SYNE1: variants seen among roughly 807,000 people sequenced by gnomAD.
The protein encoded by SYNE1 is nesprin-1.
SYNE1 carries 616 observed loss-of-function variants against 1,111.0 expected under a neutral mutation model. That is an observed-to-expected ratio of 0.55 (90% CI 0.52 to 0.59). The LOEUF (loss-of-function observed/expected upper bound fraction) is 0.59. Ranked by LOEUF, SYNE1 falls within the 20% of genes least tolerant of loss-of-function variation. The pLI is 0.00. For synonymous variants in SYNE1, 3,855 were observed against 3,825.8 expected (o/e 1.01, Z -0.28); for missense variants, 10,006 against 10,417.0 (o/e 0.96, Z 1.72).
chr6:152,371,905 A>AGGAC (rs1563461784), intron 59 of SYNE1, among the ~76,000 whole-genome samples: 731 of 52,570 alleles, frequency 0.014, 67 homozygotes, highest in African/African-American at 0.039. Flanking sequence ...AAGGAAAGGA[A>AGGAC]AGGAAAGGAA....
chr6:152,466,038 A>G lies in SYNE1; in HGVS notation c.1673T>C (p.Val558Ala). ...TGTCTGTTTCAAGATCTGGTATGTC[A>G]CCTCATATTGTTCAAAGAACTTGCT... ...ENSKFFEQYE[V>A]TYQILKQTAE... Residue 558 changes from valine to alanine, a missense_variant, in exon 17 of 146, where the codon GTG becomes GCG. Coordinates refer to ENST00000367255, the MANE Select transcript of SYNE1 (RefSeq NM_182961.4). The G allele has an allele frequency of 6.2e-7, 1 of 1,612,794 alleles. No individual in the cohort carries two copies. Among genetic ancestry groups the G allele is most frequent in the Non-Finnish European group, 8.5e-7 (1 of 1,179,072 alleles).
At chr6:152,287,898 A>G (rs1339491599) in intron 95 of SYNE1, among the ~76,000 whole-genome samples, 3 of 152,180 alleles carry the variant, frequency 2.0e-5, no homozygotes, top group Admixed American at 6.5e-5. Flanking sequence ...AACTTGCTGC[A>G]ATTTTTAAAA....
At chr6:152,618,384 C>T (rs1425129708) in intron 3 of SYNE1, among the ~76,000 whole-genome samples, 9 of 152,090 alleles carry the variant, frequency 5.9e-5, no homozygotes, top group East Asian at 3.9e-4. Flanking sequence ...CAAATAACAA[C>T]GACAACAACA....
intron 63 of SYNE1, among the ~76,000 whole-genome samples, chr6:152,362,997 C>T (rs2096960597): frequency 6.6e-6 from 1 of 151,260 alleles, no homozygotes; most frequent in African/African-American, 2.4e-5. Flanking sequence ...TCTCCTTCCT[C>T]AGCCGCCCGA....
intron 59 of SYNE1, among the ~76,000 whole-genome samples, chr6:152,371,825 A>AAGGACAGGAC (rs1179484706): frequency 1.0e-5 from 1 of 95,440 alleles, no homozygotes; most frequent in East Asian, 3.1e-4. Flanking sequence ...AAGGACAGGA[A>AAGGACAGGAC]AGGACAGGAC....
At chr6:152,209,880 A>G (rs2077212071) in intron 124 of SYNE1, among the ~76,000 whole-genome samples, 1 of 152,210 alleles carries the variant, frequency 6.6e-6, no homozygotes, top group Non-Finnish European at 1.5e-5. Flanking sequence ...GGTTCATGAT[A>G]CTTCCCTAAA....
Position 152,323,689 on chromosome 6 carries a change from C to A in SYNE1, c.15706G>T (p.Gly5236Ter). 1 of 1,614,208 alleles carries A rather than the reference C, an allele frequency of 6.2e-7. No homozygotes were observed. Among genetic ancestry groups the A allele is most frequent in the Non-Finnish European group, 8.5e-7 (1 of 1,180,028 alleles). Reference sequence around the variant, plus strand: ...TTCGATGCTTTCTCTGCTGAACTTCCAGGTAACTTATCTTGCAGCTGATCA... The same window carrying A: ...TTCGATGCTTTCTCTGCTGAACTTCAAGGTAACTTATCTTGCAGCTGATCA... ...MIDQLQDKLP[G>*]SSAEKASKAE... Residue 5236 changes from glycine to a stop codon, truncating the protein, a stop_gained, in exon 82 of 146, where the codon GGA (glycine) becomes TGA (stop). Transcript: ENST00000367255. LOFTEE classifies it high-confidence loss of function.
At chr6:152,462,693 C>T (rs376775595) in intron 20 of SYNE1, 45 bp downstream of exon 20, 24 of 1,612,542 alleles carry the variant, frequency 1.5e-5, no homozygotes, top group Non-Finnish European at 2.0e-5. Context: ...GATCTTTCCT[C>T]TCACAACAGA....
chr6:152,422,584 C>T (rs1415998028), intron 39 of SYNE1, among the ~76,000 whole-genome samples: 3 of 152,004 alleles, frequency 2.0e-5, no homozygotes, highest in African/African-American at 7.2e-5. Context: ...CTCCTTGTAA[C>T]TTCAAACTCC....
intron 140 of SYNE1, among the ~76,000 whole-genome samples, chr6:152,137,366 A>T (rs2057329943): frequency 6.6e-6 from 1 of 152,182 alleles, no homozygotes; most frequent in South Asian, 2.1e-4. Context: ...AAAATGAAGC[A>T]AAGAAAACAG....
chr6:152,624,440 AG>A (rs752769705), intron 3 of SYNE1, among the ~76,000 whole-genome samples: 26 of 152,212 alleles, frequency 1.7e-4, no homozygotes, highest in Non-Finnish European at 3.1e-4. Flanking sequence ...ACTATCTAAA[AG>A]AAGTTTATAA....
intron 127 of SYNE1, among the ~76,000 whole-genome samples, chr6:152,193,132 C>A (rs73619308): frequency 0.031 from 4,785 of 151,916 alleles, 234 homozygotes; most frequent in African/African-American, 0.1. Flanking sequence ...TTTATATGGT[C>A]TTCTCCCCCT....
intron 131 of SYNE1, among the ~76,000 whole-genome samples, chr6:152,163,901 TACC>T (rs2063058288): frequency 6.6e-6 from 1 of 152,180 alleles, no homozygotes; most frequent in South Asian, 2.1e-4. Flanking sequence ...CCACCTTACC[TACC>T]ATCTTAGAAG....
chr6:152,582,413 G>A (rs1255538834), intron 3 of SYNE1, among the ~76,000 whole-genome samples: 1 of 151,872 alleles, frequency 6.6e-6, no homozygotes, highest in African/African-American at 2.4e-5. Context: ...ATTCAAATAT[G>A]TGTATATATA....
chr6:152,203,341 G>T (rs2075886004), intron 126 of SYNE1, among the ~76,000 whole-genome samples: 1 of 152,120 alleles, frequency 6.6e-6, no homozygotes, highest in Admixed American at 6.5e-5. Context: ...CCTATCCGGT[G>T]TCTTAGTGCC....
At chr6:152,615,705 G>T (rs928051960) in intron 3 of SYNE1, among the ~76,000 whole-genome samples, 1 of 152,136 alleles carries the variant, frequency 6.6e-6, no homozygotes, top group African/African-American at 2.4e-5. Context: ...ATGCATAGGT[G>T]TTTACCTACA....
rs1479514844 is a variant in SYNE1, at chr6:152,447,501, T to G, written c.3626A>C (p.Lys1209Thr). ...AAGAGCCTTGAAAGAGCTGGATAAT[T>G]TTGCCAGCTCATCTCCCTGCTTTTG... ...EAQKQGDELA[K>T]LSSSFKALVT... The change falls in exon 29 of 146, where the codon AAA (lysine) becomes ACA (threonine). Residue 1209 changes from lysine to threonine, a missense_variant. Transcript: ENST00000367255. The G allele has an allele frequency of 3.1e-6, 5 of 1,614,234 alleles. No homozygotes were observed. Among genetic ancestry groups the G allele is most frequent in the Non-Finnish European group, 4.2e-6 (5 of 1,180,040 alleles).
In SYNE1 at chr6:152,451,060, A is replaced by G; in HGVS notation, c.3173T>C (p.Ile1058Thr). 1 of 1,614,096 alleles carries G rather than the reference A, an allele frequency of 6.2e-7. No homozygotes were observed. The highest frequency in any genetic ancestry group is 8.5e-7 in the Non-Finnish European group (1 of 1,180,002). Residue 1058 changes from isoleucine (I) to threonine (T), a missense_variant, in exon 26 of 146, where the codon ATT becomes ACT. By Grantham distance (89) the Ile-to-Thr change is moderately conservative. This residue lies in a region of SYNE1 where 1,971 missense variants were observed against 2,084.1 expected (regional missense o/e 0.95). Transcript: ENST00000367255. ...TGGGAGACGTACCCTGTGCTCTTTAATTATCTTTTCACTGCCTTCCTGGGG... is the reference window on the plus strand; with the variant it reads ...TGGGAGACGTACCCTGTGCTCTTTAGTTATCTTTTCACTGCCTTCCTGGGG... ...LMPQEGSEKIIKEHRVFFSDK... is the reference protein window; with the variant it reads ...LMPQEGSEKITKEHRVFFSDK...
At chr6:152,190,792 C>T (rs531278547) in intron 127 of SYNE1, among the ~76,000 whole-genome samples, 1 of 152,114 alleles carries the variant, frequency 6.6e-6, no homozygotes, top group East Asian at 1.9e-4. Flanking sequence ...TTTTTAACTC[C>T]CACACATAAG....
Sources: gnomAD v4.1 joint callset for allele counts (sites outside exome capture counted in the v4.1 genomes callset) on GRCh38, gnomAD v4.1.1 for gene constraint, gnomAD v4.1.1 regional missense constraint, MANE v1.5 for transcripts, NCBI Gene and HGNC (gene_info 2026-07-23, HGNC 2026-07-21) for gene names.